Variants in PTPRD observed in about 807,000 individuals in gnomAD.
The protein encoded by PTPRD is protein tyrosine phosphatase receptor type D.
A neutral mutation model predicts 214.5 loss-of-function variants in PTPRD; 34 were observed. That is an observed-to-expected ratio of 0.16 (90% CI 0.12 to 0.21). The LOEUF (loss-of-function observed/expected upper bound fraction) is 0.21, where lower values mean the gene tolerates loss of function less well. PTPRD is among the 10% of genes least tolerant of loss of function. The pLI is 1.00. For missense variants in PTPRD, 2,545 were observed against 2,398.7 expected (o/e 1.06, Z -1.27); for synonymous variants, 1,128 against 845.7 (o/e 1.33, Z -5.79).
At chr9:8,596,904 G>T (rs900562458) in intron 14 of PTPRD, among the ~76,000 whole-genome samples, 2 of 152,002 alleles carry the variant, frequency 1.3e-5, no homozygotes, top group African/African-American at 2.4e-5. Context: ...TTAATAAATG[G>T]TGCATACAAT....
intron 2 of PTPRD, among the ~76,000 whole-genome samples, chr9:10,432,656 T>C (rs568089583): frequency 6.6e-6 from 1 of 151,960 alleles, no homozygotes; most frequent in East Asian, 1.9e-4. Flanking sequence ...GATCATTGAA[T>C]ATACTGATTA....
chr9:10,113,106 C>T (rs1199494171), intron 3 of PTPRD, among the ~76,000 whole-genome samples: 1 of 152,140 alleles, frequency 6.6e-6, no homozygotes, highest in African/African-American at 2.4e-5. Context: ...TTTATCAAGC[C>T]AGCTTTGTCA....
intron 11 of PTPRD, among the ~76,000 whole-genome samples, chr9:8,984,853 C>G (rs902983595): frequency 1.3e-5 from 2 of 152,106 alleles, no homozygotes; most frequent in African/African-American, 4.8e-5. Flanking sequence ...CATAAAATCT[C>G]TTTAATTCTT....
At chr9:9,309,301 C>G (rs1447129399) in intron 9 of PTPRD, among the ~76,000 whole-genome samples, 1 of 150,820 alleles carries the variant, frequency 6.6e-6, no homozygotes, top group East Asian at 1.9e-4. Context: ...TATAGATGAA[C>G]AGTCAGTAAA....
intron 11 of PTPRD, among the ~76,000 whole-genome samples, chr9:8,737,767 C>G (rs990117765): frequency 2.0e-5 from 3 of 152,194 alleles, no homozygotes; most frequent in Non-Finnish European, 4.4e-5. Context: ...TCTCCTGCCT[C>G]AGCCTCCTGA....
chr9:8,316,882 T>A lies in PTPRD; in HGVS notation c.*992A>T. On this transcript the variant is annotated 3_prime_UTR_variant, in exon 46 of 46. Coordinates refer to ENST00000381196, the MANE Select transcript of PTPRD (RefSeq NM_002839.4). ...CTTTTCTACGTTTAAAAAAACTAAA[T>A]CATGGAAGAACTGACTGACTGATAA... The A allele has an allele frequency of 4.4e-6, 1 of 226,538 alleles. No homozygotes were observed. The allele number at this position is 226,538 out of a possible 1,614,324, so 14.0% of individuals were successfully genotyped here.
intron 5 of PTPRD, among the ~76,000 whole-genome samples, chr9:9,860,740 C>T: frequency 6.6e-6 from 1 of 152,050 alleles, no homozygotes; most frequent in East Asian, 1.9e-4. Context: ...GACCACTAAA[C>T]AATTGTAGTT....
At chr9:9,126,010 T>C (rs1360212620) in intron 10 of PTPRD, among the ~76,000 whole-genome samples, 1 of 152,102 alleles carries the variant, frequency 6.6e-6, no homozygotes, top group Non-Finnish European at 1.5e-5. Context: ...AGGTACAGAA[T>C]GGAGGGTATC....
At chr9:8,767,327 G>A (rs1599145684) in intron 11 of PTPRD, among the ~76,000 whole-genome samples, 2 of 152,010 alleles carry the variant, frequency 1.3e-5, no homozygotes, top group East Asian at 1.9e-4. Context: ...ATGTTGGCCA[G>A]GCTGGTCTCG....
chr9:10,526,874 G>C (rs1485553750), intron 2 of PTPRD, among the ~76,000 whole-genome samples: 1 of 152,108 alleles, frequency 6.6e-6, no homozygotes, highest in African/African-American at 2.4e-5. Context: ...CATAATATGT[G>C]TCTGTGAGGA....
At chr9:8,407,679 G>C (rs1007348253) in intron 35 of PTPRD, among the ~76,000 whole-genome samples, 1 of 152,180 alleles carries the variant, frequency 6.6e-6, no homozygotes, top group South Asian at 2.1e-4. Context: ...AAGAAATCAA[G>C]TTTTAAAAAT....
At chr9:8,807,261 C>T (rs1028801000) in intron 11 of PTPRD, among the ~76,000 whole-genome samples, 48 of 152,008 alleles carry the variant, frequency 3.2e-4, no homozygotes, top group Non-Finnish European at 5.9e-5. Context: ...CGCTTGAACC[C>T]GGGAGGCAGA....
intron 23 of PTPRD, among the ~76,000 whole-genome samples, chr9:8,501,573 G>A (rs2097408343): frequency 6.6e-6 from 1 of 152,140 alleles, no homozygotes; most frequent in Non-Finnish European, 1.5e-5. Context: ...TGCAATAACT[G>A]CTAATGCCCT....
At chr9:9,257,134 A>G (rs2099978060) in intron 9 of PTPRD, among the ~76,000 whole-genome samples, 1 of 152,000 alleles carries the variant, frequency 6.6e-6, no homozygotes, top group Non-Finnish European at 1.5e-5. Flanking sequence ...CCTAGAGATG[A>G]TCTAGTAAAA....
At chr9:10,570,197 T>C (rs1432333145) in intron 2 of PTPRD, among the ~76,000 whole-genome samples, 1 of 152,184 alleles carries the variant, frequency 6.6e-6, no homozygotes, top group Non-Finnish European at 1.5e-5. Context: ...TTTGCATTTG[T>C]TATCCATACT....
At chr9:9,599,200 A>G (rs900823000) in intron 7 of PTPRD, among the ~76,000 whole-genome samples, 2 of 152,080 alleles carry the variant, frequency 1.3e-5, no homozygotes, top group African/African-American at 4.8e-5. Context: ...TGCTAGGCAC[A>G]ATGCTAAAGT....
intron 14 of PTPRD, among the ~76,000 whole-genome samples, chr9:8,535,091 G>A (rs1679157061): frequency 6.6e-6 from 1 of 151,742 alleles, no homozygotes; most frequent in Non-Finnish European, 1.5e-5. Context: ...ATAGTACCAA[G>A]CACATACACA....
chr9:9,270,954 T>C (rs1345780236), intron 9 of PTPRD, among the ~76,000 whole-genome samples: 1 of 151,270 alleles, frequency 6.6e-6, no homozygotes, highest in East Asian at 2.0e-4. Flanking sequence ...AAACACTGGA[T>C]TAACTTATTA....
At chr9:9,450,576 T>C (rs1041988044) in intron 8 of PTPRD, among the ~76,000 whole-genome samples, 1 of 151,950 alleles carries the variant, frequency 6.6e-6, no homozygotes, top group Non-Finnish European at 1.5e-5. Flanking sequence ...GAAAGACATA[T>C]GTAAATTCTT....
Sources: allele counts gnomAD v4.1 joint callset (sites outside exome capture counted in the v4.1 genomes callset), GRCh38; gene constraint gnomAD v4.1.1; transcripts MANE v1.5; gene names NCBI Gene and HGNC (gene_info 2026-07-23, HGNC 2026-07-21).